ELAPOR2: variants seen among roughly 807,000 people sequenced by gnomAD.
ELAPOR2 encodes endosome-lysosome associated apoptosis and autophagy regulator family member 2.
Under a neutral mutation model 120.7 loss-of-function variants are expected in ELAPOR2, and 89 were observed. That is an observed-to-expected ratio of 0.74 (90% CI 0.62 to 0.88). The LOEUF is 0.88. Among genes scored for constraint, ELAPOR2 ranks in the 40% least tolerant of loss-of-function variants. The probability of loss-of-function intolerance (pLI) is 0.00; values close to 1 mark genes in which losing one functional copy is unlikely to be tolerated. For synonymous variants in ELAPOR2, 444 were observed against 444.9 expected (o/e 1.00, Z 0.03); for missense variants, 1,134 against 1,251.6 (o/e 0.91, Z 1.42).
At chr7:87,019,487 T>C (rs1027081468) in intron 1 of ELAPOR2, among the ~76,000 whole-genome samples, 1 of 152,128 alleles carries the variant, frequency 6.6e-6, no homozygotes, top group Non-Finnish European at 1.5e-5. Flanking sequence ...AAAAATCTCT[T>C]CTGGTCATTA....
intron 1 of ELAPOR2, among the ~76,000 whole-genome samples, chr7:87,019,181 T>C (rs1176156612): frequency 2.0e-5 from 3 of 152,144 alleles, no homozygotes; most frequent in African/African-American, 7.2e-5. Context: ...TATTTATTTT[T>C]GAGACACGGT....
chr7:86,897,433 T>G, intron 19 of ELAPOR2, 73 bp downstream of exon 19: 6 of 1,531,342 alleles, frequency 3.9e-6, no homozygotes, highest in East Asian at 2.3e-5. Context: ...CTTCTGGACC[T>G]GAGTTTCTAT....
chr7:86,951,306 A>G (rs1791233776), intron 2 of ELAPOR2, among the ~76,000 whole-genome samples: 2 of 152,240 alleles, frequency 1.3e-5, no homozygotes, highest in Non-Finnish European at 2.9e-5. Context: ...AAGACAGTTT[A>G]GTGTCCAAAA....
intron 10 of ELAPOR2, among the ~76,000 whole-genome samples, chr7:86,922,513 TTC>T (rs376626443): frequency 6.6e-6 from 1 of 152,068 alleles, no homozygotes; most frequent in Non-Finnish European, 1.5e-5. Flanking sequence ...TCTTTTCACT[TTC>T]TTTCAACGCA....
chr7:86,907,510 A>G (rs965706267), intron 18 of ELAPOR2, among the ~76,000 whole-genome samples, 160 bp downstream of exon 18: 7 of 150,848 alleles, frequency 4.6e-5, no homozygotes, highest in African/African-American at 1.7e-4. Flanking sequence ...ATTTCTCTTA[A>G]TACACACTCA....
At chr7:87,036,171 C>T (rs1562978595) in intron 1 of ELAPOR2, among the ~76,000 whole-genome samples, 1 of 152,114 alleles carries the variant, frequency 6.6e-6, no homozygotes, top group Non-Finnish European at 1.5e-5. Context: ...AATGATATGA[C>T]AATTCAAATG....
chr7:86,941,410 T>A (rs548750739), intron 5 of ELAPOR2: 1 of 523,592 alleles, frequency 1.9e-6, no homozygotes, highest in Non-Finnish European at 4.0e-6. Context: ...GCAGTTACTT[T>A]ACTTCATGTA....
chr7:86,905,073 A>AGGAG (rs1161192393), intron 18 of ELAPOR2, among the ~76,000 whole-genome samples: 83 of 52,098 alleles, frequency 1.6e-3, no homozygotes, highest in African/African-American at 8.4e-3. Flanking sequence ...GAGAGAGAGA[A>AGGAG]GGAAGGAAGG....
chr7:86,885,573 T>C (rs1450240929), intron 21 of ELAPOR2, among the ~76,000 whole-genome samples: 1 of 152,140 alleles, frequency 6.6e-6, no homozygotes, highest in Non-Finnish European at 1.5e-5. Context: ...AAAGTTTTCC[T>C]GTTACCAAGA....
At chr7:86,961,966 A>T (rs888129129) in intron 2 of ELAPOR2, among the ~76,000 whole-genome samples, 11 of 152,144 alleles carry the variant, frequency 7.2e-5, no homozygotes, top group Non-Finnish European at 1.5e-4. Flanking sequence ...TCTCCACAGC[A>T]GAGAGGACAA....
chr7:86,927,156 C>T (rs1215102671), intron 8 of ELAPOR2, among the ~76,000 whole-genome samples: 1 of 151,870 alleles, frequency 6.6e-6, no homozygotes, highest in Non-Finnish European at 1.5e-5. Flanking sequence ...ACAGCATGTT[C>T]CTCATCATGA....
intron 7 of ELAPOR2, 45 bp from the exon 8 acceptor site, chr7:86,938,259 C>A (rs575540252): frequency 1.4e-6 from 2 of 1,445,478 alleles, no homozygotes; most frequent in South Asian, 1.2e-5. Flanking sequence ...AATTATTTTG[C>A]AACTCTAAGA....
In ELAPOR2 at chr7:86,980,078, A is replaced by G. The variant is rs550444967; in HGVS notation, c.190-15054T>C. On this transcript the variant is annotated intron_variant, in intron 1 of 21. Transcript: ENST00000450689. ...TCTTTGACAGAGATATTAAAGAAGA[A>G]ATTATACAAAATTAAGTGGATACAC... Among the ~76,000 whole-genome samples, 66 of 152,320 alleles carry G rather than the reference A, an allele frequency of 4.3e-4. 1 individual carries two copies. The highest frequency in any genetic ancestry group is 8.1e-4 in the Non-Finnish European group (55 of 68,024).
At chr7:87,033,810 A>G (rs1199319714) in intron 1 of ELAPOR2, among the ~76,000 whole-genome samples, 4 of 152,068 alleles carry the variant, frequency 2.6e-5, no homozygotes. Flanking sequence ...ATAGCTCAAA[A>G]GAAATTGAAT....
chr7:87,004,840 T>C (rs1198566526), intron 1 of ELAPOR2, among the ~76,000 whole-genome samples: 1 of 152,092 alleles, frequency 6.6e-6, no homozygotes. Context: ...ACTTTAAGTA[T>C]CTTTCTCTAA....
chr7:87,043,373 G>A (rs1280220781), intron 1 of ELAPOR2, among the ~76,000 whole-genome samples: 1 of 150,658 alleles, frequency 6.6e-6, no homozygotes, highest in Non-Finnish European at 1.5e-5. Flanking sequence ...TAAAATACTG[G>A]CAAACCGAAT....
At chr7:86,935,684 G>A (rs1179285249) in intron 8 of ELAPOR2, among the ~76,000 whole-genome samples, 1 of 151,574 alleles carries the variant, frequency 6.6e-6, no homozygotes, top group Admixed American at 6.6e-5. Flanking sequence ...TGAGACTGAT[G>A]AACACTAATG....
chr7:86,898,215 T>C (rs540110478), intron 18 of ELAPOR2, among the ~76,000 whole-genome samples: 4 of 152,242 alleles, frequency 2.6e-5, no homozygotes, highest in South Asian at 2.1e-4. Context: ...GAAAATATTA[T>C]GCTAAGTGAA....
intron 21 of ELAPOR2, among the ~76,000 whole-genome samples, chr7:86,886,918 T>C (rs1464492350): frequency 6.6e-6 from 1 of 152,090 alleles, no homozygotes; most frequent in Non-Finnish European, 1.5e-5. Context: ...CTACAGATAT[T>C]CAATCATCTA....
Sources: gnomAD v4.1 joint callset for allele counts (sites outside exome capture counted in the v4.1 genomes callset) on GRCh38, gnomAD v4.1.1 for gene constraint, MANE v1.5 for transcripts, NCBI Gene and HGNC (gene_info 2026-07-23, HGNC 2026-07-21) for gene names.